The following NAALADL2 variants were observed in gnomAD, a reference collection of about 807,000 sequenced individuals.
The protein encoded by NAALADL2 is N-acetylated alpha-linked acidic dipeptidase like 2.
NAALADL2 carries 76 observed loss-of-function variants against 87.2 expected under a neutral mutation model. That is an observed-to-expected ratio of 0.87 (90% CI 0.72 to 1.05). The LOEUF is 1.05. NAALADL2 is among the 50% of genes least tolerant of loss of function. NAALADL2 has a pLI of 0.00. For synonymous variants in NAALADL2, 354 were observed against 331.0 expected (o/e 1.07, Z -0.75); for missense variants, 1,089 against 945.8 (o/e 1.15, Z -1.99).
intron 1 of NAALADL2, among the ~76,000 whole-genome samples, chr3:174,969,254 C>T (rs1041324327): frequency 6.6e-6 from 1 of 152,138 alleles, no homozygotes; most frequent in Non-Finnish European, 1.5e-5. Context: ...TCTTAAATGT[C>T]ATTGTCTCAG....
intron 11 of NAALADL2, among the ~76,000 whole-genome samples, chr3:175,727,637 T>C (rs1366639943): frequency 1.3e-5 from 2 of 152,170 alleles, no homozygotes. Flanking sequence ...TCAAAATCAT[T>C]CTAATGTCTT....
At chr3:175,528,327 C>T (rs1733684555) in intron 9 of NAALADL2, among the ~76,000 whole-genome samples, 3 of 152,168 alleles carry the variant, frequency 2.0e-5, no homozygotes, top group South Asian at 2.1e-4. Flanking sequence ...AGGAAGCATC[C>T]AGCCTGGGAA....
At chr3:174,444,699 ACT>A (rs1195880822) in intron 1 of NAALADL2, among the ~76,000 whole-genome samples, 1 of 152,050 alleles carries the variant, frequency 6.6e-6, no homozygotes, top group African/African-American at 2.4e-5. Flanking sequence ...TATCAAACAA[ACT>A]CTTTTCTGTT....
intron 1 of NAALADL2, among the ~76,000 whole-genome samples, chr3:175,001,544 C>T (rs1328909388): frequency 6.6e-6 from 1 of 152,160 alleles, no homozygotes; most frequent in Non-Finnish European, 1.5e-5. Context: ...TTTTGCCAAT[C>T]TGAGTTATTT....
In NAALADL2 at chr3:174,844,842, T is replaced by TTG. The variant is rs1241222957; in HGVS notation, c.-9+107097_-9+107098insGT. ...TGTTTATTAGTTCTAATGGTTTTTT[T>TTG]TTTTTTTTTTTTTTTTTTTTGGGGG... On this transcript the variant is annotated intron_variant, in intron 3 of 3. Transcript: ENST00000434257. Among the ~76,000 whole-genome samples, 797 of 132,372 alleles carry TTG rather than the reference T, an allele frequency of 6.0e-3. 27 individuals carry two copies. The highest frequency in any genetic ancestry group is 0.023 in the African/African-American group (779 of 33,430). The allele number at this position is 132,372 out of a possible 152,430, so 86.8% of individuals were successfully genotyped here.
intron 3 of NAALADL2, among the ~76,000 whole-genome samples, chr3:174,844,038 T>G (rs972235254): frequency 6.6e-6 from 1 of 152,232 alleles, no homozygotes; most frequent in Non-Finnish European, 1.5e-5. Context: ...TCAATTTGCC[T>G]ATTTTTGAGT....
chr3:174,735,182 A>G (rs1465079330), intron 2 of NAALADL2, among the ~76,000 whole-genome samples: 3 of 152,208 alleles, frequency 2.0e-5, no homozygotes, highest in Non-Finnish European at 4.4e-5. Context: ...CAGCCTGTTA[A>G]TATGAAATGT....
At chr3:174,919,504 A>C (rs1377159507) in intron 1 of NAALADL2, among the ~76,000 whole-genome samples, 1 of 152,160 alleles carries the variant, frequency 6.6e-6, no homozygotes, top group Non-Finnish European at 1.5e-5. Flanking sequence ...AAGTATATTC[A>C]TAAGATTTGA....
chr3:175,477,705 T>G (rs560814334), intron 9 of NAALADL2, among the ~76,000 whole-genome samples: 18 of 152,268 alleles, frequency 1.2e-4, no homozygotes, highest in African/African-American at 4.3e-4. Context: ...ATAGTCACTG[T>G]GCAAAAAATG....
intron 11 of NAALADL2, among the ~76,000 whole-genome samples, chr3:175,695,101 G>C (rs549067269): frequency 6.8e-6 from 1 of 147,312 alleles, no homozygotes; most frequent in African/African-American, 2.5e-5. Context: ...TGAGATAATT[G>C]GGCATTTTTT....
chr3:175,357,980 C>G (rs1261522851), intron 5 of NAALADL2, among the ~76,000 whole-genome samples: 1 of 152,182 alleles, frequency 6.6e-6, no homozygotes, highest in Non-Finnish European at 1.5e-5. Flanking sequence ...TAAGTTCAAA[C>G]TGGCCCTGGG....
At chr3:175,052,360 C>G (rs1187311627) in intron 1 of NAALADL2, among the ~76,000 whole-genome samples, 3 of 152,138 alleles carry the variant, frequency 2.0e-5, no homozygotes, top group South Asian at 2.1e-4. Context: ...GTTTTGGGGC[C>G]AGTTTATGGC....
chr3:175,500,867 C>A (rs74460414), intron 9 of NAALADL2, among the ~76,000 whole-genome samples: 1 of 152,038 alleles, frequency 6.6e-6, no homozygotes, highest in Admixed American at 6.6e-5. Flanking sequence ...TGAAATAGTG[C>A]ATTGAAAAAT....
intron 4 of NAALADL2, among the ~76,000 whole-genome samples, chr3:175,265,795 T>G (rs2109952326): frequency 6.6e-6 from 1 of 151,666 alleles, no homozygotes; most frequent in East Asian, 1.9e-4. Flanking sequence ...CTATAAAAAC[T>G]TAAATCTATA....
intron 9 of NAALADL2, among the ~76,000 whole-genome samples, chr3:175,524,443 A>G (rs1418305130): frequency 6.6e-6 from 1 of 152,130 alleles, no homozygotes; most frequent in Non-Finnish European, 1.5e-5. Flanking sequence ...ATCATAGGTA[A>G]CTTTTAATAT....
At chr3:175,557,923 G>A (rs974157093) in intron 9 of NAALADL2, among the ~76,000 whole-genome samples, 16 of 152,026 alleles carry the variant, frequency 1.1e-4, no homozygotes, top group South Asian at 2.1e-4. Context: ...GGCCGGGCGC[G>A]GTGGCTCACG....
At chr3:175,544,892 T>C (rs1007304741) in intron 9 of NAALADL2, among the ~76,000 whole-genome samples, 1 of 152,182 alleles carries the variant, frequency 6.6e-6, no homozygotes, top group Admixed American at 6.5e-5. Context: ...TTTCCATGAT[T>C]TAGCATTCAG....
chr3:175,180,199 A>C (rs959406547), intron 2 of NAALADL2, among the ~76,000 whole-genome samples: 1 of 152,002 alleles, frequency 6.6e-6, no homozygotes, highest in Non-Finnish European at 1.5e-5. Context: ...TGTTCTGAGT[A>C]CGTATTTGGC....
chr3:175,436,861 C>A (rs1237742589), intron 5 of NAALADL2, among the ~76,000 whole-genome samples: 1 of 87,548 alleles, frequency 1.1e-5, no homozygotes, highest in Admixed American at 1.5e-4. Flanking sequence ...TTAATTAGAT[C>A]CCATTTGTCA....
Sources: allele counts gnomAD v4.1 joint callset (sites outside exome capture counted in the v4.1 genomes callset), GRCh38; gene constraint gnomAD v4.1.1; transcripts MANE v1.5; gene names NCBI Gene and HGNC (gene_info 2026-07-23, HGNC 2026-07-21).